The following MCTP1 variants were observed in gnomAD, a reference collection of about 807,000 sequenced individuals.
The protein encoded by MCTP1 is multiple C2 and transmembrane domain containing 1.
MCTP1 carries 69 observed loss-of-function variants against 120.6 expected under a neutral mutation model. The ratio of observed to expected loss-of-function variants is 0.57; its 90% CI spans 0.47 to 0.70. The LOEUF (loss-of-function observed/expected upper bound fraction) is 0.70, where lower values mean the gene tolerates loss of function less well. MCTP1 is among the 30% of genes least tolerant of loss of function. The pLI is 0.00. For missense variants in MCTP1, 1,203 were observed against 1,248.8 expected (o/e 0.96, Z 0.55); for synonymous variants, 529 against 493.1 (o/e 1.07, Z -0.96).
At chr5:94,949,422 T>A (rs1416413325) in intron 3 of MCTP1, among the ~76,000 whole-genome samples, 2 of 152,166 alleles carry the variant, frequency 1.3e-5, no homozygotes, top group Non-Finnish European at 2.9e-5. Context: ...ATTTTATAGC[T>A]AATTCTCCAA....
intron 5 of MCTP1, among the ~76,000 whole-genome samples, chr5:94,935,885 G>T (rs556352542): frequency 6.6e-6 from 1 of 152,084 alleles, no homozygotes; most frequent in Non-Finnish European, 1.5e-5. Flanking sequence ...TGAATAATTT[G>T]TGAAAGTTCA....
At chr5:95,025,561 G>A (rs987729486) in intron 1 of MCTP1, among the ~76,000 whole-genome samples, 1 of 152,162 alleles carries the variant, frequency 6.6e-6, no homozygotes, top group African/African-American at 2.4e-5. Context: ...AGGAAAGTCA[G>A]AAAAAATCAT....
At chr5:94,756,383 C>A (rs1769871629) in intron 19 of MCTP1, among the ~76,000 whole-genome samples, 1 of 152,064 alleles carries the variant, frequency 6.6e-6, no homozygotes, top group South Asian at 2.1e-4. Context: ...AATTTGAGGT[C>A]TGTGGGATTT....
At chr5:94,847,137 C>CTTTA (rs982101575) in intron 17 of MCTP1, among the ~76,000 whole-genome samples, 35 of 152,138 alleles carry the variant, frequency 2.3e-4, no homozygotes, top group African/African-American at 8.0e-4. Context: ...CACCTAGAAA[C>CTTTA]TTTACCCTTC....
chr5:95,267,337 G>A (rs1348698475), intron 1 of MCTP1, among the ~76,000 whole-genome samples: 2 of 152,060 alleles, frequency 1.3e-5, no homozygotes, highest in African/African-American at 4.8e-5. Context: ...TGTAACATCT[G>A]GATCACTGAG....
At chr5:95,011,940 T>C (rs866599109) in intron 2 of MCTP1, among the ~76,000 whole-genome samples, 2 of 152,260 alleles carry the variant, frequency 1.3e-5, no homozygotes, top group Middle Eastern at 6.8e-3. Context: ...GCAAAAATGA[T>C]CCAGGCTCAT....
At chr5:95,192,313 G>A (rs537967886) in intron 1 of MCTP1, among the ~76,000 whole-genome samples, 4 of 151,974 alleles carry the variant, frequency 2.6e-5, no homozygotes, top group African/African-American at 9.6e-5. Context: ...AATTTGACAT[G>A]TTTTTTCCTT....
intron 10 of MCTP1, among the ~76,000 whole-genome samples, chr5:94,897,406 G>GA (rs1804322084): frequency 6.6e-6 from 1 of 152,048 alleles, no homozygotes; most frequent in Admixed American, 6.5e-5. Context: ...GCCCAGGCTG[G>GA]AGTGCAGTGG....
At chr5:95,182,941 G>A (rs552811879) in intron 1 of MCTP1, among the ~76,000 whole-genome samples, 85 of 150,836 alleles carry the variant, frequency 5.6e-4, no homozygotes, top group African/African-American at 1.6e-3. Context: ...CAGGAGAATC[G>A]CTTGAACCTG....
In MCTP1 at chr5:94,894,684, C is replaced by T; in HGVS notation, c.1804G>A (p.Asp602Asn). 6.2e-7 allele frequency: 1 copy of T among 1,611,780 alleles called. No individual in the cohort carries two copies. Among genetic ancestry groups the T allele is most frequent in the Non-Finnish European group, 8.5e-7 (1 of 1,178,212 alleles). The change falls in exon 11 of 23, where the codon GAC becomes AAC. Residue 602 changes from aspartate to asparagine, a missense_variant. Transcript: ENST00000515393. ...AATATCTCCTCTCGTTCCTTCTGGT[C>T]CTCCAGGGAGTTGACAGACAGGTCA... Reference protein sequence around the residue: ...ISDLSVNSLEDQKEREEILKR... With the variant: ...ISDLSVNSLENQKEREEILKR...
At chr5:94,923,150 AG>A (rs1812131743) in intron 7 of MCTP1, among the ~76,000 whole-genome samples, 1 of 152,192 alleles carries the variant, frequency 6.6e-6, no homozygotes, top group Non-Finnish European at 1.5e-5. Flanking sequence ...AAAATTCTAA[AG>A]AAAAAAGGTA....
At chr5:95,225,324 G>T (rs929619845) in intron 1 of MCTP1, among the ~76,000 whole-genome samples, 2 of 152,090 alleles carry the variant, frequency 1.3e-5, no homozygotes, top group African/African-American at 4.8e-5. Context: ...CAGCAGTATA[G>T]GCCTCAGAGA....
intron 1 of MCTP1, among the ~76,000 whole-genome samples, chr5:95,134,067 T>C (rs113764093): frequency 2.0e-5 from 3 of 152,364 alleles, no homozygotes; most frequent in Admixed American, 6.5e-5. Flanking sequence ...TTGATTCTTG[T>C]TCTACTCTTT....
chr5:95,248,058 C>T (rs186993597), intron 1 of MCTP1, among the ~76,000 whole-genome samples: 8 of 152,214 alleles, frequency 5.3e-5, no homozygotes, highest in African/African-American at 1.9e-4. Context: ...AAAACTACAG[C>T]CAATATTATA....
intron 1 of MCTP1, among the ~76,000 whole-genome samples, chr5:95,178,441 C>A (rs1748257481): frequency 6.6e-6 from 1 of 152,210 alleles, no homozygotes; most frequent in Admixed American, 6.5e-5. Flanking sequence ...GAAGGCCAAC[C>A]AACACAAAAC....
intron 1 of MCTP1, among the ~76,000 whole-genome samples, chr5:95,061,474 C>T (rs1182929995): frequency 1.2e-5 from 1 of 86,820 alleles, no homozygotes; most frequent in Non-Finnish European, 2.1e-5. Flanking sequence ...CTCGCTCTGT[C>T]TCCCAGGCTG....
intron 1 of MCTP1, among the ~76,000 whole-genome samples, chr5:95,100,062 G>A (rs922501507): frequency 3.5e-4 from 52 of 148,428 alleles, no homozygotes; most frequent in African/African-American, 1.2e-3. Flanking sequence ...TCATAGGTGG[G>A]AACTGAACAA....
intron 20 of MCTP1, 94 bp downstream of exon 20, chr5:94,714,683 C>A (rs62365699): frequency 1.3e-6 from 1 of 784,772 alleles, no homozygotes; most frequent in African/African-American, 1.7e-5. Context: ...AAGGAGTGTC[C>A]CCTGCCAAAA....
In MCTP1 at chr5:94,966,447, T is replaced by C. The variant is rs188648658; in HGVS notation, c.839-13086A>G. On this transcript the variant is annotated intron_variant, in intron 2 of 22. Transcript: ENST00000515393. ...AGTGAGTCTACTATTGCCTCCATTT[T>C]ATAGATGAGAAAACCAAGAAGGGTT... Among the ~76,000 whole-genome samples the C allele has an allele frequency of 1.2e-3, 179 of 152,294 alleles. 1 individual carries two copies. The highest frequency in any genetic ancestry group is 9.1e-3 in the Admixed American group (139 of 15,298).
Sources: gnomAD v4.1 joint callset for allele counts (sites outside exome capture counted in the v4.1 genomes callset) on GRCh38, gnomAD v4.1.1 for gene constraint, MANE v1.5 for transcripts, NCBI Gene and HGNC (gene_info 2026-07-23, HGNC 2026-07-21) for gene names.